TTC28: variants seen among roughly 807,000 people sequenced by gnomAD.
TTC28 encodes tetratricopeptide repeat domain 28.
A neutral mutation model predicts 198.0 loss-of-function variants in TTC28; 61 were observed. The observed-to-expected ratio is 0.31, with a 90% CI of 0.25 to 0.38. The LOEUF (loss-of-function observed/expected upper bound fraction) is 0.38, where lower values mean the gene tolerates loss of function less well. Among genes scored for constraint, TTC28 ranks in the 10% least tolerant of loss-of-function variants. The pLI, the probability that TTC28 is intolerant of heterozygous loss-of-function variation, is 1.00. For missense variants in TTC28, 2,678 were observed against 3,164.0 expected (o/e 0.85, Z 3.69); for synonymous variants, 1,171 against 1,297.8 (o/e 0.90, Z 2.10).
At chr22:28,551,476 C>A (rs2049670603) in intron 2 of TTC28, among the ~76,000 whole-genome samples, 1 of 152,060 alleles carries the variant, frequency 6.6e-6, no homozygotes, top group African/African-American at 2.4e-5. Context: ...ATGCAAAAAT[C>A]CTCAACAAAA....
chr22:28,603,339 A>G (rs2050672177), intron 2 of TTC28, among the ~76,000 whole-genome samples: 1 of 151,970 alleles, frequency 6.6e-6, no homozygotes, highest in Admixed American at 6.6e-5. Flanking sequence ...AATAACATAA[A>G]CATTCTAGAA....
Position 28,107,421 on chromosome 22 carries a change from C to T in TTC28, c.2424G>A (p.Gly808=). ...GHLAAVYMAL[G]KYTMAFKCYE... ...AACACTTGAATGCCATTGTGTATTT[C>T]CCAAGGGCCATGTAGACAGCAGCCA... Residue 808 remains glycine, a synonymous_variant, in exon 7 of 23, where the codon GGG becomes GGA. Coordinates refer to ENST00000397906, the MANE Select transcript of TTC28 (RefSeq NM_001145418.2). 6.4e-7 allele frequency: 1 copy of T among 1,551,736 alleles called. No homozygotes were observed. The highest frequency in any genetic ancestry group is 8.7e-7 in the Non-Finnish European group (1 of 1,147,006).
intron 6 of TTC28, among the ~76,000 whole-genome samples, chr22:28,153,698 A>T (rs1027907559): frequency 2.6e-5 from 4 of 152,236 alleles, no homozygotes; most frequent in Non-Finnish European, 5.9e-5. Flanking sequence ...TTTGTTGATC[A>T]AAAGAATGAA....
chr22:28,214,928 T>C (rs186882917), intron 5 of TTC28, among the ~76,000 whole-genome samples: 99 of 152,304 alleles, frequency 6.5e-4, no homozygotes, highest in African/African-American at 2.2e-3. Context: ...GTGGCACATA[T>C]ATACCATGGA....
Position 28,539,526 on chromosome 22 carries a change from C to T in TTC28, c.381+90026G>A, listed in dbSNP as rs1395212767. On this transcript the variant is annotated intron_variant, in intron 2 of 22. Transcript: ENST00000397906. Reference sequence around the variant, plus strand: ...TGGCATGCACCTGTACCCCCAGCTACTTGGGAGGCTGAGGCGTGAGGATTG... The same window carrying T: ...TGGCATGCACCTGTACCCCCAGCTATTTGGGAGGCTGAGGCGTGAGGATTG... Among the ~76,000 whole-genome samples, 3 of 151,812 alleles carry T rather than the reference C, an allele frequency of 2.0e-5. No homozygotes were observed. The East Asian group carries it at 5.8e-4, about 29-fold the overall frequency.
chr22:28,271,185 C>G (rs1486610565), intron 5 of TTC28, among the ~76,000 whole-genome samples: 1 of 151,546 alleles, frequency 6.6e-6, no homozygotes, highest in Non-Finnish European at 1.5e-5. Flanking sequence ...ACTCTCAACA[C>G]CTTAGCCTCC....
chr22:28,435,013 G>A (rs2047496172), intron 2 of TTC28, among the ~76,000 whole-genome samples: 1 of 152,184 alleles, frequency 6.6e-6, no homozygotes, highest in Non-Finnish European at 1.5e-5. Context: ...TTACTAACCA[G>A]ATATAAGATA....
At chr22:28,526,761 T>G (rs2049011593) in intron 2 of TTC28, among the ~76,000 whole-genome samples, 1 of 152,058 alleles carries the variant, frequency 6.6e-6, no homozygotes, top group Non-Finnish European at 1.5e-5. Flanking sequence ...GTTTTTTTAT[T>G]TTAATTTTTT....
intron 1 of TTC28, among the ~76,000 whole-genome samples, chr22:28,670,608 G>A (rs1342288096): frequency 6.6e-6 from 1 of 151,464 alleles, no homozygotes; most frequent in Non-Finnish European, 1.5e-5. Context: ...TGTACTTGTG[G>A]CTGTTTTCAC....
At chr22:28,404,280 C>T (rs577727277) in intron 2 of TTC28, among the ~76,000 whole-genome samples, 10 of 152,038 alleles carry the variant, frequency 6.6e-5, no homozygotes, top group East Asian at 3.9e-4. Context: ...CCACTACGCC[C>T]GGCTAATTTT....
At chr22:28,320,293 C>T (rs564630960) in intron 2 of TTC28, among the ~76,000 whole-genome samples, 1 of 150,194 alleles carries the variant, frequency 6.7e-6, no homozygotes, top group East Asian at 2.0e-4. Context: ...TGACTTTACA[C>T]ATTTCCTACA....
At chr22:28,196,923 A>C (rs772544071) in intron 5 of TTC28, among the ~76,000 whole-genome samples, 1 of 152,194 alleles carries the variant, frequency 6.6e-6, no homozygotes, top group Non-Finnish European at 1.5e-5. Context: ...ATTACTTGGT[A>C]TATACCCAAA....
At chr22:28,626,391 G>A (rs2051077131) in intron 2 of TTC28, among the ~76,000 whole-genome samples, 1 of 152,020 alleles carries the variant, frequency 6.6e-6, no homozygotes, top group Admixed American at 6.6e-5. Flanking sequence ...ACAGAAATTG[G>A]AAGGTAGCTT....
chr22:28,568,443 A>G (rs938887715), intron 2 of TTC28, among the ~76,000 whole-genome samples: 2 of 152,216 alleles, frequency 1.3e-5, no homozygotes, highest in Non-Finnish European at 2.9e-5. Context: ...AGATGATATG[A>G]TGCTATACCC....
intron 1 of TTC28, among the ~76,000 whole-genome samples, chr22:28,670,070 T>C (rs1210452846): frequency 7.0e-6 from 1 of 141,852 alleles, no homozygotes; most frequent in Non-Finnish European, 1.5e-5. Flanking sequence ...ATCCTACTCA[T>C]TTTACCCTGT....
At chr22:28,409,037 C>T (rs906677257) in intron 2 of TTC28, among the ~76,000 whole-genome samples, 7 of 152,232 alleles carry the variant, frequency 4.6e-5, no homozygotes, top group Non-Finnish European at 1.0e-4. Context: ...ATTTATGACT[C>T]TTTTCGTTGC....
rs1484433844 is a variant in TTC28 at position 28,080,461 on chromosome 22, C to CT, written c.3932+13618dup. Among the ~76,000 whole-genome samples the CT allele has an allele frequency of 3.3e-5, 5 of 152,258 alleles. No homozygotes were observed. In the Middle Eastern group the frequency reaches 0.01, roughly 311 times the overall value. ...GTAATGCTGAACATCTTTACATATGCTTGTTGCTCATTTGTTTACCTCTTT... is the reference window on the plus strand; with the variant it reads ...GTAATGCTGAACATCTTTACATATGCTTTGTTGCTCATTTGTTTACCTCTTT... On this transcript the variant is annotated intron_variant, in intron 12 of 22. Transcript: ENST00000397906.
At chr22:28,275,133 G>A (rs1223013643) in intron 5 of TTC28, among the ~76,000 whole-genome samples, 2 of 152,132 alleles carry the variant, frequency 1.3e-5, no homozygotes, top group African/African-American at 4.8e-5. Flanking sequence ...GGAAGAACCA[G>A]AAGAACTTTA....
chr22:28,204,349 A>G (rs1926218874), intron 5 of TTC28, among the ~76,000 whole-genome samples: 2 of 152,200 alleles, frequency 1.3e-5, no homozygotes, highest in African/African-American at 2.4e-5. Flanking sequence ...TAGTGGTCAC[A>G]TGGATTCAAT....
Sources: gnomAD v4.1 joint callset for allele counts (sites outside exome capture counted in the v4.1 genomes callset) on GRCh38, gnomAD v4.1.1 for gene constraint, MANE v1.5 for transcripts, NCBI Gene and HGNC (gene_info 2026-07-23, HGNC 2026-07-21) for gene names.